PIGL: variants seen among roughly 807,000 people sequenced by gnomAD.
The protein encoded by PIGL is N-acetylglucosaminyl-phosphatidylinositol de-N-acetylase.
PIGL carries 22 observed loss-of-function variants against 31.1 expected under a neutral mutation model. The ratio of observed to expected loss-of-function variants is 0.71; its 90% CI spans 0.51 to 1.01. The LOEUF (loss-of-function observed/expected upper bound fraction) is 1.01, where lower values mean the gene tolerates loss of function less well. PIGL is among the 50% of genes least tolerant of loss of function. PIGL has a pLI of 0.00. For synonymous variants in PIGL, 131 were observed against 117.4 expected (o/e 1.12, Z -0.75); for missense variants, 302 against 315.9 (o/e 0.96, Z 0.33).
At chr17:16,238,896 T>G in intron 2 of PIGL, among the ~76,000 whole-genome samples, 1 of 119,114 alleles carries the variant, frequency 8.4e-6, no homozygotes, top group Non-Finnish European at 1.7e-5. Context: ...TGCGACAGAG[T>G]GAGACCCCGT....
chr17:16,255,627 G>C (rs1157693901), intron 2 of PIGL, among the ~76,000 whole-genome samples: 1 of 152,138 alleles, frequency 6.6e-6, no homozygotes, highest in Non-Finnish European at 1.5e-5. Context: ...CTCTCCTCTT[G>C]AGACTCAGTG....
Position 16,325,953 on chromosome 17 carries a change from G to A in PIGL, c.*55G>A, listed in dbSNP as rs769095370. 8 of 1,274,116 alleles carry A rather than the reference G, an allele frequency of 6.3e-6. No homozygotes were observed. The Admixed American group carries it at 1.0e-4, about 16-fold the overall frequency. 78.9% of individuals were successfully genotyped at this position (1,274,116 alleles called of 1,614,324 possible). ...CAAAGGGGAAAATAGACAAAGGAGT[G>A]CAGAGGACCTGGCCTGGCACTGGCT... On this transcript the variant is annotated 3_prime_UTR_variant, in exon 7 of 7. Coordinates refer to ENST00000225609, the MANE Select transcript of PIGL (RefSeq NM_004278.4).
chr17:16,252,455 T>TA (rs1393766179), intron 2 of PIGL, among the ~76,000 whole-genome samples: 1 of 152,066 alleles, frequency 6.6e-6, no homozygotes, highest in African/African-American at 2.4e-5. Flanking sequence ...CCAAACTCTT[T>TA]AACAGTAGCT....
In PIGL at chr17:16,326,178, G is replaced by A. The variant is rs2093126453; in HGVS notation, c.*280G>A. The A allele has an allele frequency of 4.9e-6, 2 of 404,926 alleles. No individual in the cohort carries two copies. 25.1% of individuals were successfully genotyped at this position (404,926 alleles called of 1,614,324 possible). A position where few individuals can be genotyped will look rare whatever the true frequency, so the allele number is the denominator to read the frequency against. ...GAAAAACAATTTACATAATGACACAGTAGATGTGGAACACCTAGCCCAGTG... is the reference window on the plus strand; with the variant it reads ...GAAAAACAATTTACATAATGACACAATAGATGTGGAACACCTAGCCCAGTG... On this transcript the variant is annotated 3_prime_UTR_variant, in exon 7 of 7. Transcript: ENST00000225609.
Position 16,299,934 on chromosome 17 carries a change from G to A in PIGL, c.382G>A (p.Ala128Thr), listed in dbSNP as rs1458251360. 2 of 1,614,112 alleles carry A rather than the reference G, an allele frequency of 1.2e-6. No homozygotes were observed. Among genetic ancestry groups the A allele is most frequent in the Admixed American group, 1.7e-5 (1 of 60,024 alleles). Residue 128 changes from alanine (A) to threonine (T), a missense_variant, in exon 3 of 7, where the codon GCC becomes ACC. By Grantham distance (58) the Ala-to-Thr change is moderately conservative. Coordinates refer to ENST00000225609, the MANE Select transcript of PIGL (RefSeq NM_004278.4). ...CATGCAGTGGGACACAGAGCACGTG[G>A]CCAGAGTCCTCCTTCAGCACATAGA... ...PGMQWDTEHV[A>T]RVLLQHIEVN...
At chr17:16,301,664 C>T (rs1198175763) in intron 3 of PIGL, among the ~76,000 whole-genome samples, 2 of 151,128 alleles carry the variant, frequency 1.3e-5, no homozygotes, top group East Asian at 1.9e-4. Context: ...CTCCGCCTCC[C>T]GGGTTCACGC....
intron 2 of PIGL, among the ~76,000 whole-genome samples, chr17:16,271,146 A>G (rs1471139939): frequency 6.6e-6 from 1 of 152,192 alleles, no homozygotes; most frequent in Non-Finnish European, 1.5e-5. Flanking sequence ...AGCTAGACTC[A>G]AAAATAGAAT....
intron 1 of PIGL, 22 bp from the exon 2 acceptor site, chr17:16,233,949 A>C (rs202152743): frequency 7.3e-7 from 1 of 1,362,360 alleles, no homozygotes; most frequent in East Asian, 2.3e-5. Context: ...AAAATCTACC[A>C]CTGTATATTT....
chr17:16,311,483 A>ATTTTTTTTTTTTTTTTTTTTT (rs2093050016), intron 3 of PIGL, among the ~76,000 whole-genome samples: 1 of 6,306 alleles, frequency 1.6e-4, no homozygotes, highest in Non-Finnish European at 3.4e-4. Flanking sequence ...TTTTTTTTTG[A>ATTTTTTTTTTTTTTTTTTTTT]TCATTCTTGG....
At chr17:16,236,146 G>T (rs1471207377) in intron 2 of PIGL, among the ~76,000 whole-genome samples, 3 of 152,088 alleles carry the variant, frequency 2.0e-5, no homozygotes, top group Non-Finnish European at 4.4e-5. Context: ...AACAGGATAG[G>T]TGCTTAATTT....
chr17:16,244,800 G>A lies in PIGL; in HGVS notation c.335+10730G>A, dbSNP rs145667151. Among the ~76,000 whole-genome samples, 1,460 of 151,506 alleles carry A rather than the reference G, an allele frequency of 9.6e-3. 23 individuals are homozygous for A. Among genetic ancestry groups the A allele is most frequent in the East Asian group, 0.051 (259 of 5,120 alleles). ...AGTGACCCTCCTGCCTCAGTCTCCCGAGTAGCTGGGACTACAGGCACACGT... is the reference window on the plus strand; with the variant it reads ...AGTGACCCTCCTGCCTCAGTCTCCCAAGTAGCTGGGACTACAGGCACACGT... On this transcript the variant is annotated intron_variant, in intron 2 of 6. Coordinates refer to ENST00000225609, the MANE Select transcript of PIGL (RefSeq NM_004278.4).
At chr17:16,230,557 A>G (rs1330183223) in intron 1 of PIGL, among the ~76,000 whole-genome samples, 1 of 152,048 alleles carries the variant, frequency 6.6e-6, no homozygotes, top group Non-Finnish European at 1.5e-5. Flanking sequence ...AAGGAAAAAC[A>G]TTGCAGCTAT....
At chr17:16,229,506 A>G (rs895198525) in intron 1 of PIGL, among the ~76,000 whole-genome samples, 9 of 124,564 alleles carry the variant, frequency 7.2e-5, no homozygotes, top group Non-Finnish European at 3.2e-5. Context: ...TTTTTTGAGT[A>G]TAATTGCTGA....
At chr17:16,303,700 A>G (rs551524138) in intron 3 of PIGL, among the ~76,000 whole-genome samples, 52 of 141,394 alleles carry the variant, frequency 3.7e-4, no homozygotes, top group African/African-American at 1.2e-3. Flanking sequence ...CACCACGCCC[A>G]GCTCATTTTT....
At chr17:16,311,607 C>A (rs2142859166) in intron 3 of PIGL, among the ~76,000 whole-genome samples, 1 of 148,336 alleles carries the variant, frequency 6.7e-6, no homozygotes, top group East Asian at 2.0e-4. Context: ...GACCCTGCGG[C>A]CTTCCGCAGT....
chr17:16,279,605 A>G (rs1424763687), intron 2 of PIGL: 3 of 152,214 alleles, frequency 2.0e-5, no homozygotes, highest in African/African-American at 7.2e-5. Flanking sequence ...GTTTTATTAA[A>G]TTCTTCCTAT....
chr17:16,306,608 C>A (rs888921090), intron 3 of PIGL, among the ~76,000 whole-genome samples: 1 of 150,326 alleles, frequency 6.7e-6, no homozygotes, highest in African/African-American at 2.4e-5. Context: ...AGCTCAACTG[C>A]AACCTCTGCC....
intron 4 of PIGL, among the ~76,000 whole-genome samples, chr17:16,315,352 G>A (rs1386244887): frequency 6.6e-6 from 1 of 152,136 alleles, no homozygotes; most frequent in African/African-American, 2.4e-5. Context: ...ACCTTCTGTG[G>A]CATCTGGCCC....
chr17:16,229,100 G>A (rs969487943), intron 1 of PIGL, among the ~76,000 whole-genome samples: 3 of 151,736 alleles, frequency 2.0e-5, no homozygotes, highest in South Asian at 2.1e-4. Flanking sequence ...GTGAGATTTC[G>A]TCTTTACAAA....
Sources: allele counts gnomAD v4.1 joint callset (sites outside exome capture counted in the v4.1 genomes callset), GRCh38; gene constraint gnomAD v4.1.1; transcripts MANE v1.5; gene names NCBI Gene and HGNC (gene_info 2026-07-23, HGNC 2026-07-21).